The following ORMDL2 variants were observed in gnomAD, a reference collection of about 807,000 sequenced individuals.
ORMDL2 encodes ORM1-like protein 2.
ORMDL2 carries 11 observed loss-of-function variants against 13.5 expected under a neutral mutation model. That is an observed-to-expected ratio of 0.82 (90% CI 0.51 to 1.35). ORMDL2 has a LOEUF of 1.35. Among genes scored for constraint, ORMDL2 ranks in the 40% most tolerant of loss-of-function variants. The pLI is 0.00. For synonymous variants in ORMDL2, 73 were observed against 76.5 expected, an observed-to-expected ratio of 0.95 and a Z score of 0.24; for missense variants, 160 against 191.1, an observed-to-expected ratio of 0.84 and a Z score of 0.96.
rs1487287432 is a variant in ORMDL2, at chr12:55,818,074, G to A, written c.-40G>A. On this transcript the variant is annotated 5_prime_UTR_variant, in exon 1 of 4. Transcript: ENST00000243045. The stretch of plus-strand genomic sequence containing the variant: ...CTGGAGACTTCAGGTGTGGTAGCCG[G>A]CGCCGCGCCCATAGCCGGACGGGGA... The A allele has an allele frequency of 5.7e-6, 3 of 522,960 alleles. No individual in the cohort carries two copies. The highest frequency in any genetic ancestry group is 1.1e-5 in the Non-Finnish European group (3 of 271,282). 32.4% of individuals were successfully genotyped at this position (522,960 alleles called of 1,614,324 possible). A position where few individuals can be genotyped will look rare whatever the true frequency, so the allele number is the denominator to read the frequency against.
intron 1 of ORMDL2, chr12:55,818,728 GC>G: frequency 2.4e-6 from 1 of 418,414 alleles, no homozygotes; most frequent in East Asian, 3.7e-5. Flanking sequence ...TGAAGTGAGT[GC>G]CCCAAGCCTA....
rs761801083 is a variant in ORMDL2, at chr12:55,819,389, T to A, written c.222T>A (p.Thr74=). ...CGGTGAAAGGGACACCCTTTGAGACTCCTGACCAAGGAAAGGCTCGGCTAC... is the reference window on the plus strand; with the variant it reads ...CGGTGAAAGGGACACCCTTTGAGACACCTGACCAAGGAAAGGCTCGGCTAC... ...LHTVKGTPFE[T]PDQGKARLLT... The change falls in exon 3 of 4, where the codon ACT becomes ACA. Residue 74 remains threonine, a synonymous_variant. Transcript: ENST00000243045. The A allele has an allele frequency of 5.6e-6, 9 of 1,614,130 alleles. No individual in the cohort carries two copies. The Admixed American group carries it at 1.5e-4, about 27-fold the overall frequency.
In ORMDL2 at chr12:55,820,798, A is replaced by G. The variant is rs138499406; in HGVS notation, c.*403A>G. On this transcript the variant is annotated 3_prime_UTR_variant, in exon 4 of 4. Coordinates refer to ENST00000243045, the MANE Select transcript of ORMDL2 (RefSeq NM_014182.5). ...TCAGGATGGGTAGAGAGCTGTCCTC[A>G]TAAGGCTGGGGGTGGGAAGATGGAA... 1.1e-5 allele frequency: 2 copies of G among 185,086 alleles called. No homozygotes were observed. The highest frequency in any genetic ancestry group is 2.6e-4 in the East Asian group (2 of 7,588). 11.5% of individuals were successfully genotyped at this position (185,086 alleles called of 1,614,324 possible).
intron 1 of ORMDL2, 33 bp from the exon 2 acceptor site, chr12:55,818,966 C>T (rs769248755): frequency 3.8e-6 from 6 of 1,596,202 alleles, no homozygotes; most frequent in Non-Finnish European, 4.3e-6. Flanking sequence ...AAAAACTGAG[C>T]TGGACTCCTG....
rs368465292 is a variant in ORMDL2 at position 55,819,508 on chromosome 12, G to A, written c.326+15G>A. On this transcript the variant is annotated intron_variant, in intron 3 of 3. Transcript: ENST00000243045. ...CCTATTGTGCTGTGAGTCTATGGGG[G>A]AAATGAGATATGCTGGGTTAGAAAG... 1.9e-6 allele frequency: 3 copies of A among 1,611,262 alleles called. No individual in the cohort carries two copies. Among genetic ancestry groups the A allele is most frequent in the African/African-American group, 2.7e-5 (2 of 74,808 alleles).
rs576419427 is a variant in ORMDL2, at chr12:55,818,797, C to T, written c.-1-202C>T. The T allele has an allele frequency of 5.3e-6, 3 of 569,810 alleles. No homozygotes were observed. The African/African-American group carries it at 5.6e-5, about 11-fold the overall frequency. 35.3% of individuals were successfully genotyped at this position (569,810 alleles called of 1,614,324 possible). ...AAGATCAGAGCAATAATGACTATGT[C>T]TCTGAAATGTAGTGAGGACTCTTCT... On this transcript the variant is annotated intron_variant, in intron 1 of 3. Transcript: ENST00000243045.
In ORMDL2 at chr12:55,820,533, A is replaced by G; in HGVS notation, c.*138A>G. On this transcript the variant is annotated 3_prime_UTR_variant, in exon 4 of 4. Transcript: ENST00000243045. ...ACTATACAACCTTTCCCAGACTCCC[A>G]AGAAGAGAAGAGATTGGCAAATGGG... The G allele has an allele frequency of 9.7e-7, 1 of 1,033,066 alleles. No homozygotes were observed. The highest frequency in any genetic ancestry group is 2.4e-5 in the East Asian group (1 of 40,910). The allele number at this position is 1,033,066 out of a possible 1,614,324, so 64.0% of individuals were successfully genotyped here.
Position 55,819,056 on chromosome 12 carries a change from CCGAGG to C in ORMDL2, c.59_63del (p.Arg20HisfsTer36), listed in dbSNP as rs759147595. On this transcript the variant is annotated frameshift_variant, in exon 2 of 4. Coordinates refer to ENST00000243045, the MANE Select transcript of ORMDL2 (RefSeq NM_014182.5). LOFTEE classifies it high-confidence loss of function. ...ACCCCAACACCCGAGTGATGAATAG[CCGAGG>C]CATCTGGCTGGCCTACATCATCTTG... 2.8e-5 allele frequency: 45 copies of C among 1,613,954 alleles called. No individual in the cohort carries two copies. Among genetic ancestry groups the C allele is most frequent in the Admixed American group, 2.0e-4 (12 of 59,996 alleles).
chr12:55,820,452 A>G lies in ORMDL2; in HGVS notation c.*57A>G. On this transcript the variant is annotated 3_prime_UTR_variant, in exon 4 of 4. Coordinates refer to ENST00000243045, the MANE Select transcript of ORMDL2 (RefSeq NM_014182.5). ...GGGGAAGGCACTGAAACAGAGGACT[A>G]TAAAACATCCTTCTCTTATTCTCCA... 6.4e-7 allele frequency: 1 copy of G among 1,570,250 alleles called. No homozygotes were observed. The highest frequency in any genetic ancestry group is 1.7e-4 in the Middle Eastern group (1 of 5,964).
In ORMDL2 at chr12:55,820,514, C is replaced by A; in HGVS notation, c.*119C>A. 8.4e-7 allele frequency: 1 copy of A among 1,195,988 alleles called. No individual in the cohort carries two copies. The allele number at this position is 1,195,988 out of a possible 1,614,324, so 74.1% of individuals were successfully genotyped here. A position where few individuals can be genotyped will look rare whatever the true frequency, so the allele number is the denominator to read the frequency against. ...ACACCTTTAAAGCCTGAGAACTATA[C>A]AACCTTTCCCAGACTCCCAAGAAGA... On this transcript the variant is annotated 3_prime_UTR_variant, in exon 4 of 4. Coordinates refer to ENST00000243045, the MANE Select transcript of ORMDL2 (RefSeq NM_014182.5).
intron 1 of ORMDL2, 67 bp downstream of exon 1, chr12:55,818,179 G>T (rs1278803270): frequency 1.1e-5 from 5 of 452,266 alleles, no homozygotes; most frequent in Non-Finnish European, 2.2e-5. Context: ...GGCGCCGAGG[G>T]AGTGGTGACC....
chr12:55,819,026 A>C lies in ORMDL2; in HGVS notation c.27A>C (p.Glu9Asp). The change falls in exon 2 of 4, where the codon GAA (glutamate) becomes GAC (aspartate). Residue 9 changes from glutamate to aspartate, a missense_variant. Physicochemically the swap from Glu to Asp is conservative, Grantham distance 45 (BLOSUM62 2). Coordinates refer to ENST00000243045, the MANE Select transcript of ORMDL2 (RefSeq NM_014182.5). ...TGAATGTGGGGGTGGCACACAGCGAAGTAAACCCCAACACCCGAGTGATGA... is the reference window on the plus strand; with the variant it reads ...TGAATGTGGGGGTGGCACACAGCGACGTAAACCCCAACACCCGAGTGATGA... Reference protein sequence around the residue: MNVGVAHSEVNPNTRVMNS... With the variant: MNVGVAHSDVNPNTRVMNS... The C allele has an allele frequency of 6.2e-7, 1 of 1,614,088 alleles. No homozygotes were observed. The highest frequency in any genetic ancestry group is 8.5e-7 in the Non-Finnish European group (1 of 1,179,970).
At chr12:55,820,107 C>A in intron 3 of ORMDL2, 153 bp from the exon 4 acceptor site, 1 of 698,862 alleles carries the variant, frequency 1.4e-6, no homozygotes, top group Non-Finnish European at 2.5e-6. Context: ...ATTGTTTGAG[C>A]CCAGGAGTTT....
At chr12:55,819,249 G>C (rs554423588) in intron 2 of ORMDL2, 76 bp downstream of exon 2, 1 of 1,588,056 alleles carries the variant, frequency 6.3e-7, no homozygotes, top group South Asian at 1.1e-5. Context: ...CCAATTGTTT[G>C]GGGATTTATG....
chr12:55,818,954 G>T, intron 1 of ORMDL2, 45 bp from the exon 2 acceptor site: 1 of 1,579,446 alleles, frequency 6.3e-7, no homozygotes, highest in South Asian at 1.1e-5. Flanking sequence ...GAGGGGTTGA[G>T]AAAAAACTGA....
intron 1 of ORMDL2, 96 bp from the exon 2 acceptor site, chr12:55,818,903 G>A: frequency 9.8e-7 from 1 of 1,025,600 alleles, no homozygotes; most frequent in Non-Finnish European, 1.5e-6. Flanking sequence ...TAGAGTTCAG[G>A]GGATTGGGGC....
chr12:55,818,103 G>A lies in ORMDL2; in HGVS notation c.-11G>A. 2.0e-6 allele frequency: 1 copy of A among 491,530 alleles called. No individual in the cohort carries two copies. Among genetic ancestry groups the A allele is most frequent in the Non-Finnish European group, 4.0e-6 (1 of 250,942 alleles). The allele number at this position is 491,530 out of a possible 1,614,324, so 30.4% of individuals were successfully genotyped here. A position where few individuals can be genotyped will look rare whatever the true frequency, so the allele number is the denominator to read the frequency against. ...CGCGCCCATAGCCGGACGGGGATCT[G>A]AGCTGGCAGGTAGGAGCTGCAAAGA... is the stretch of plus-strand genomic sequence containing the variant. On this transcript the variant is annotated 5_prime_UTR_variant, in exon 1 of 4. Transcript: ENST00000243045.
At chr12:55,818,432 G>A (rs554446741) in intron 1 of ORMDL2, 27 of 248,156 alleles carry the variant, frequency 1.1e-4, no homozygotes, top group African/African-American at 6.2e-4. Flanking sequence ...ATTGAGCTCA[G>A]GTCCCTTCCT....
In ORMDL2 at chr12:55,819,501, TA is replaced by T. The variant is rs1880607334; in HGVS notation, c.326+9del. On this transcript the variant is annotated intron_variant, in intron 3 of 3. Transcript: ENST00000243045. ...CATCTCTCCTATTGTGCTGTGAGTCTATGGGGGAAATGAGATATGCTGGGTT... is the reference window on the plus strand; with the variant it reads ...CATCTCTCCTATTGTGCTGTGAGTCTTGGGGGAAATGAGATATGCTGGGTT... The T allele has an allele frequency of 6.2e-7, 1 of 1,612,582 alleles. No individual in the cohort carries two copies. Among genetic ancestry groups the T allele is most frequent in the African/African-American group, 1.3e-5 (1 of 74,956 alleles).
Sources: gnomAD v4.1 joint callset for allele counts on GRCh38, gnomAD v4.1.1 for gene constraint, MANE v1.5 for transcripts, NCBI Gene and HGNC (gene_info 2026-07-23, HGNC 2026-07-21) for gene names.